Variants in RAP2A observed in about 807,000 individuals in gnomAD.
RAP2A encodes ras-related protein Rap-2a.
Under a neutral mutation model 15.1 loss-of-function variants are expected in RAP2A, and 5 were observed. That is an observed-to-expected ratio of 0.33 (90% CI 0.17 to 0.70). The LOEUF is 0.70. Ranked by LOEUF, RAP2A falls within the 30% of genes least tolerant of loss-of-function variation. The pLI is 0.68. For missense variants in RAP2A, 111 were observed against 240.3 expected, an observed-to-expected ratio of 0.46 and a Z score of 3.56; for synonymous variants, 110 against 99.7, an observed-to-expected ratio of 1.10 and a Z score of -0.62.
chr13:97,439,780 G>C (rs115729237), intron 1 of RAP2A, among the ~76,000 whole-genome samples: 2 of 152,152 alleles, frequency 1.3e-5, no homozygotes, highest in African/African-American at 4.8e-5. Flanking sequence ...GATAGAACTC[G>C]AGAGTTGTAA....
rs908140157 is a variant in RAP2A, at chr13:97,467,743, T to G, written c.*3301T>G. The G allele has an allele frequency of 6.6e-6, 1 of 152,524 alleles. No homozygotes were observed. The highest frequency in any genetic ancestry group is 1.5e-5 in the Non-Finnish European group (1 of 68,010). 9.4% of individuals were successfully genotyped at this position (152,524 alleles called of 1,614,324 possible). A position where few individuals can be genotyped will look rare whatever the true frequency, so the allele number is the denominator to read the frequency against. On this transcript the variant is annotated 3_prime_UTR_variant, in exon 2 of 2. Transcript: ENST00000245304. ...TCTTGATCAGGGTTTCAAGAATGAC[T>G]GCAGTGGGTTTTGGAAACAGACTTA... is the stretch of plus-strand genomic sequence containing the variant.
At chr13:97,446,785 C>A (rs1047293634) in intron 1 of RAP2A, among the ~76,000 whole-genome samples, 2 of 152,142 alleles carry the variant, frequency 1.3e-5, no homozygotes, top group Non-Finnish European at 2.9e-5. Flanking sequence ...CAAGTGAGGC[C>A]ATCTTTGACT....
In RAP2A at chr13:97,464,189, G is replaced by C. The variant is rs1384883050; in HGVS notation, c.315-16G>C. 6.2e-7 allele frequency: 1 copy of C among 1,612,588 alleles called. No homozygotes were observed. Among genetic ancestry groups the C allele is most frequent in the Admixed American group, 1.7e-5 (1 of 59,996 alleles). ...AACTGTTACAATGTATGTGTGTTTT[G>C]TTTATTCTCTCATAGGTATGAGAAA... On this transcript the variant is annotated splice_polypyrimidine_tract_variant and intron_variant, in intron 1 of 1. Transcript: ENST00000245304.
Position 97,434,360 on chromosome 13 carries a change from C to T in RAP2A, c.-111C>T. 1 of 870,656 alleles carries T rather than the reference C, an allele frequency of 1.1e-6. No homozygotes were observed. Among genetic ancestry groups the T allele is most frequent in the Non-Finnish European group, 1.4e-6 (1 of 732,554 alleles). 53.9% of individuals were successfully genotyped at this position (870,656 alleles called of 1,614,324 possible). A position where few individuals can be genotyped will look rare whatever the true frequency, so the allele number is the denominator to read the frequency against. ...GGCCGCCGCGGCTGTGAGGTGGGGG[C>T]GGCAGCGGGAGGCGGCGGGGCGGGC... On this transcript the variant is annotated 5_prime_UTR_variant, in exon 1 of 2. Transcript: ENST00000245304.
chr13:97,454,421 A>G (rs868486626), intron 1 of RAP2A, among the ~76,000 whole-genome samples: 3 of 150,436 alleles, frequency 2.0e-5, no homozygotes, highest in Admixed American at 1.3e-4. Flanking sequence ...GGTTATGTCT[A>G]ATTTTTTATA....
intron 1 of RAP2A, among the ~76,000 whole-genome samples, chr13:97,452,861 T>C (rs893434757): frequency 2.0e-5 from 3 of 151,466 alleles, no homozygotes; most frequent in Admixed American, 2.0e-4. Context: ...TTTTACATCT[T>C]TAACTAGATT....
intron 1 of RAP2A, among the ~76,000 whole-genome samples, chr13:97,463,014 AT>A (rs10714074): frequency 0.64 from 97,692 of 151,936 alleles, 32,172 homozygotes; most frequent in Middle Eastern, 0.76. Flanking sequence ...CTTCTGACAG[AT>A]TTAGCTGTTT....
chr13:97,445,134 A>G (rs182388079), intron 1 of RAP2A, among the ~76,000 whole-genome samples: 13 of 152,316 alleles, frequency 8.5e-5, no homozygotes, highest in African/African-American at 2.6e-4. Context: ...TCTTCATTCT[A>G]TCACATTGGG....
At chr13:97,435,279 A>G (rs1231372224) in intron 1 of RAP2A, among the ~76,000 whole-genome samples, 1 of 152,220 alleles carries the variant, frequency 6.6e-6, no homozygotes, top group African/African-American at 2.4e-5. Context: ...TTTTACAAAA[A>G]TTAAGTCTCT....
At chr13:97,461,780 G>A (rs1247487879) in intron 1 of RAP2A, among the ~76,000 whole-genome samples, 1 of 151,496 alleles carries the variant, frequency 6.6e-6, no homozygotes, top group African/African-American at 2.4e-5. Context: ...TAGCTAACAC[G>A]ATGAAACCCT....
chr13:97,439,781 A>G (rs532241796), intron 1 of RAP2A, among the ~76,000 whole-genome samples: 1 of 152,330 alleles, frequency 6.6e-6, no homozygotes, highest in South Asian at 2.1e-4. Flanking sequence ...ATAGAACTCG[A>G]GAGTTGTAAG....
intron 1 of RAP2A, among the ~76,000 whole-genome samples, chr13:97,449,956 G>A (rs2066695354): frequency 6.7e-6 from 1 of 150,014 alleles, no homozygotes; most frequent in Non-Finnish European, 1.5e-5. Context: ...TAGAGATTCA[G>A]TGTTTGGGGT....
intron 1 of RAP2A, among the ~76,000 whole-genome samples, chr13:97,458,708 A>G (rs1050016487): frequency 6.6e-6 from 1 of 152,242 alleles, no homozygotes; most frequent in Non-Finnish European, 1.5e-5. Flanking sequence ...AGCCAAGTTC[A>G]GACACGACCA....
rs2066771631 is a variant in RAP2A, at chr13:97,466,352, T to C, written c.*1910T>C. 6.6e-6 allele frequency: 1 copy of C among 152,222 alleles called. No individual in the cohort carries two copies. Among genetic ancestry groups the C allele is most frequent in the Admixed American group, 6.5e-5 (1 of 15,280 alleles). The allele number at this position is 152,222 out of a possible 1,614,324, so 9.4% of individuals were successfully genotyped here. On this transcript the variant is annotated 3_prime_UTR_variant, in exon 2 of 2. Coordinates refer to ENST00000245304, the MANE Select transcript of RAP2A (RefSeq NM_021033.7). ...TATAATTTTTTATAATCCTCAATTA[T>C]GAACCACCTTGTTTATAGGACAAAA... is the stretch of plus-strand genomic sequence containing the variant.
intron 1 of RAP2A, among the ~76,000 whole-genome samples, chr13:97,461,174 G>T (rs1445159445): frequency 6.6e-6 from 1 of 152,114 alleles, no homozygotes; most frequent in East Asian, 1.9e-4. Context: ...ATATGTAAAG[G>T]AAATGATCTC....
intron 1 of RAP2A, among the ~76,000 whole-genome samples, chr13:97,452,650 GCA>G (rs34107608): frequency 0.037 from 5,501 of 148,086 alleles, 495 homozygotes; most frequent in African/African-American, 0.13. Context: ...ACACACACAC[GCA>G]CACACACACA....
rs575916222 is a variant in RAP2A, at chr13:97,468,043, C to T, written c.*3601C>T. On this transcript the variant is annotated 3_prime_UTR_variant, in exon 2 of 2. Coordinates refer to ENST00000245304, the MANE Select transcript of RAP2A (RefSeq NM_021033.7). The stretch of plus-strand genomic sequence containing the variant: ...GCTCATGAGAGAAATGTATTATATA[C>T]AAAAACAATTAAAAATTGCCATATA... 3.3e-5 allele frequency: 5 copies of T among 152,108 alleles called. No individual in the cohort carries two copies. The highest frequency in any genetic ancestry group is 1.3e-4 in the Admixed American group (2 of 15,280). The allele number at this position is 152,108 out of a possible 1,614,324, so 9.4% of individuals were successfully genotyped here.
intron 1 of RAP2A, among the ~76,000 whole-genome samples, chr13:97,452,640 ACACACACACG>A (rs973740744): frequency 8.1e-5 from 9 of 111,204 alleles, no homozygotes; most frequent in African/African-American, 2.6e-4. Flanking sequence ...TCAGTCACAC[ACACACACACG>A]CACACACACA....
rs766333178 is a variant in RAP2A, at chr13:97,452,665, C to CACAT, written c.315-11537_315-11536insTACA. On this transcript the variant is annotated intron_variant, in intron 1 of 1. Coordinates refer to ENST00000245304, the MANE Select transcript of RAP2A (RefSeq NM_021033.7). Reference sequence around the variant, plus strand: ...ACACACACACGCACACACACACACACACACAACCAACGGAACCTTCTGGCA... The same window carrying CACAT: ...ACACACACACGCACACACACACACACACATACACAACCAACGGAACCTTCTGGCA... Among the ~76,000 whole-genome samples, 9 of 150,850 alleles carry CACAT rather than the reference C, an allele frequency of 6.0e-5. 1 individual carries two copies. The highest frequency in any genetic ancestry group is 1.3e-4 in the Admixed American group (2 of 15,092).
Sources: allele counts gnomAD v4.1 joint callset (sites outside exome capture counted in the v4.1 genomes callset), GRCh38; gene constraint gnomAD v4.1.1; transcripts MANE v1.5; gene names NCBI Gene and HGNC (gene_info 2026-07-23, HGNC 2026-07-21).